SEMA3A: variants seen among roughly 807,000 people sequenced by gnomAD.
SEMA3A encodes semaphorin 3A.
In SEMA3A, 29 loss-of-function variants were observed where a neutral mutation model predicts 97.9. The observed-to-expected ratio is 0.30, with a 90% CI of 0.22 to 0.40. The LOEUF (loss-of-function observed/expected upper bound fraction) is 0.40. SEMA3A is among the 10% of genes least tolerant of loss of function. SEMA3A has a pLI of 1.00. For missense variants in SEMA3A, 763 were observed against 951.3 expected (o/e 0.80, Z 2.60); for synonymous variants, 321 against 323.7 (o/e 0.99, Z 0.09).
At chr7:84,405,811 C>G (rs1013855368) in intron 1 of SEMA3A, among the ~76,000 whole-genome samples, 1 of 152,058 alleles carries the variant, frequency 6.6e-6, no homozygotes, top group African/African-American at 2.4e-5. Flanking sequence ...GGGTACATAA[C>G]AAAATGAAGG....
At chr7:84,455,178 T>C (rs982632549) in intron 1 of SEMA3A, among the ~76,000 whole-genome samples, 5 of 151,968 alleles carry the variant, frequency 3.3e-5, no homozygotes, top group African/African-American at 1.2e-4. Flanking sequence ...ATATGAATAC[T>C]CTTATTTTTC....
chr7:84,467,241 G>A (rs908132349), intron 1 of SEMA3A, among the ~76,000 whole-genome samples: 1 of 151,972 alleles, frequency 6.6e-6, no homozygotes, highest in Admixed American at 6.6e-5. Flanking sequence ...TCAATTCCAG[G>A]GCCGGGCGCA....
At chr7:84,167,985 T>A (rs1164519479) in intron 1 of SEMA3A, among the ~76,000 whole-genome samples, 1 of 152,154 alleles carries the variant, frequency 6.6e-6, no homozygotes, top group East Asian at 1.9e-4. Context: ...TGTTTAGAGT[T>A]CCTCTGTTTT....
intron 12 of SEMA3A, among the ~76,000 whole-genome samples, chr7:83,991,940 C>G (rs1023060489): frequency 6.8e-6 from 1 of 147,426 alleles, no homozygotes; most frequent in Non-Finnish European, 1.5e-5. Flanking sequence ...GCTGTGAATC[C>G]ATCTGGTCCT....
intron 3 of SEMA3A, among the ~76,000 whole-genome samples, chr7:84,295,008 A>C (rs1188531267): frequency 1.3e-5 from 2 of 152,094 alleles, no homozygotes; most frequent in Admixed American, 6.6e-5. Context: ...TATAGCAAAA[A>C]GTTTTTAATG....
rs1189214645 is a variant in SEMA3A at position 83,990,587 on chromosome 7, A to G, written c.1453-5110T>C. Among the ~76,000 whole-genome samples, 3 of 122,836 alleles carry G rather than the reference A, an allele frequency of 2.4e-5. No individual in the cohort carries two copies. In the East Asian group the frequency reaches 8.1e-4, roughly 33 times the overall value. 80.6% of individuals were successfully genotyped at this position (122,836 alleles called of 152,430 possible). Reference sequence around the variant, plus strand: ...TTATTAAATAGGGAATCCTTTCCCCATTGCTTGTTTTTCTCAGGTTTGTCA... The same window carrying G: ...TTATTAAATAGGGAATCCTTTCCCCGTTGCTTGTTTTTCTCAGGTTTGTCA... On this transcript the variant is annotated intron_variant, in intron 12 of 16. Transcript: ENST00000265362.
At chr7:84,074,352 C>T in intron 4 of SEMA3A, among the ~76,000 whole-genome samples, 1 of 152,198 alleles carries the variant, frequency 6.6e-6, no homozygotes, top group East Asian at 1.9e-4. Flanking sequence ...AGTTATTTAA[C>T]AATATACATT....
At chr7:84,141,897 T>C (rs757808526) in intron 1 of SEMA3A, among the ~76,000 whole-genome samples, 20 of 152,272 alleles carry the variant, frequency 1.3e-4, no homozygotes, top group Non-Finnish European at 2.4e-4. Flanking sequence ...TATTCCATGA[T>C]GTATATGTAC....
intron 13 of SEMA3A, among the ~76,000 whole-genome samples, chr7:83,983,020 GA>G (rs1257033083): frequency 6.6e-6 from 1 of 151,686 alleles, no homozygotes; most frequent in Admixed American, 6.6e-5. Flanking sequence ...TCACTAAATG[GA>G]AAAAATGAAA....
At chr7:84,488,844 T>G (rs528262748) in intron 1 of SEMA3A, among the ~76,000 whole-genome samples, 1 of 152,260 alleles carries the variant, frequency 6.6e-6, no homozygotes, top group African/African-American at 2.4e-5. Context: ...ACAAATTCAT[T>G]TTGGAATTTC....
Position 84,340,552 on chromosome 7 carries a change from G to T in SEMA3A, c.-169+31272C>A, listed in dbSNP as rs1802139163. On this transcript the variant is annotated intron_variant, in intron 2 of 3. Transcript: ENST00000424555. ...CCAGCACTTTGGGAGGCCGAGGCAG[G>T]TGGATCACCTGAGGTCAGGAGTTCG... 2.6e-5 allele frequency among the ~76,000 whole-genome samples: 4 copies of T among 152,178 alleles called. No individual in the cohort carries two copies. The South Asian group carries it at 8.3e-4, about 32-fold the overall frequency.
intron 3 of SEMA3A, among the ~76,000 whole-genome samples, chr7:84,266,644 G>T (rs556959792): frequency 6.6e-6 from 1 of 152,200 alleles, no homozygotes; most frequent in Admixed American, 6.5e-5. Context: ...GAAAAGAAAC[G>T]TAAGGTGCCA....
chr7:84,021,666 T>C (rs1052137538), intron 6 of SEMA3A, among the ~76,000 whole-genome samples: 1 of 152,196 alleles, frequency 6.6e-6, no homozygotes, highest in African/African-American at 2.4e-5. Context: ...TAAACTAATA[T>C]CCCTATTTTT....
intron 4 of SEMA3A, among the ~76,000 whole-genome samples, chr7:84,094,811 A>C (rs184653829): frequency 6.6e-6 from 1 of 152,196 alleles, no homozygotes; most frequent in East Asian, 1.9e-4. Context: ...TGTAGTTGAG[A>C]GATGGACAAT....
In SEMA3A at chr7:83,958,981, C is replaced by T. The variant is rs1324321082; in HGVS notation, c.*2390G>A. On this transcript the variant is annotated 3_prime_UTR_variant, in exon 17 of 17. Transcript: ENST00000265362. Reference sequence around the variant, plus strand: ...CTTTTTCGTGCAAACTGCCCCCTCTCAATACACATGGGCAGAGATTATGAC... The same window carrying T: ...CTTTTTCGTGCAAACTGCCCCCTCTTAATACACATGGGCAGAGATTATGAC... The T allele has an allele frequency of 6.6e-6, 1 of 152,014 alleles. No individual in the cohort carries two copies. The allele number at this position is 152,014 out of a possible 1,614,324, so 9.4% of individuals were successfully genotyped here.
intron 3 of SEMA3A, among the ~76,000 whole-genome samples, chr7:84,204,036 AT>A (rs1330146535): frequency 3.9e-5 from 6 of 152,180 alleles, no homozygotes; most frequent in African/African-American, 1.4e-4. Context: ...CTCTTTTGAG[AT>A]TAAAGACTCC....
In SEMA3A at chr7:83,994,859, C is replaced by A. The variant is rs199783448; in HGVS notation, c.1452+7096G>T. Reference sequence around the variant, plus strand: ...TGGGCTCCACCCAGTTGGAACTTCCCGGCTGCTTTGTTTACCTAATCAAGC... The same window carrying A: ...TGGGCTCCACCCAGTTGGAACTTCCAGGCTGCTTTGTTTACCTAATCAAGC... On this transcript the variant is annotated intron_variant, in intron 12 of 16. Coordinates refer to ENST00000265362, the MANE Select transcript of SEMA3A (RefSeq NM_006080.3). 4.3e-3 allele frequency among the ~76,000 whole-genome samples: 649 copies of A among 151,992 alleles called. 4 individuals carry two copies. The highest frequency in any genetic ancestry group is 0.014 in the African/African-American group (578 of 41,468).
chr7:84,218,502 A>C (rs1232818346), intron 3 of SEMA3A, among the ~76,000 whole-genome samples: 1 of 152,144 alleles, frequency 6.6e-6, no homozygotes, highest in Non-Finnish European at 1.5e-5. Flanking sequence ...AAGACATAAA[A>C]ATAATTTAGG....
At chr7:84,118,580 G>A (rs1406189989) in intron 3 of SEMA3A, among the ~76,000 whole-genome samples, 4 of 152,140 alleles carry the variant, frequency 2.6e-5, no homozygotes, top group Non-Finnish European at 5.9e-5. Context: ...TCATTTGTTA[G>A]TTTCTACAAG....
Sources: gnomAD v4.1 joint callset for allele counts (sites outside exome capture counted in the v4.1 genomes callset) on GRCh38, gnomAD v4.1.1 for gene constraint, MANE v1.5 for transcripts, NCBI Gene and HGNC (gene_info 2026-07-23, HGNC 2026-07-21) for gene names.